Variants in KDM6A observed in about 807,000 individuals in gnomAD.
KDM6A encodes lysine demethylase 6A.
KDM6A carries 11 observed loss-of-function variants against 117.6 expected under a neutral mutation model. The observed-to-expected ratio is 0.09, with a 90% CI of 0.06 to 0.15. The LOEUF (loss-of-function observed/expected upper bound fraction) is 0.15, where lower values mean the gene tolerates loss of function less well. Among genes scored for constraint, KDM6A ranks in the 10% least tolerant of loss-of-function variants. The pLI, the probability that KDM6A is intolerant of heterozygous loss-of-function variation, is 1.00. For synonymous variants in KDM6A, 384 were observed against 396.1 expected, an observed-to-expected ratio of 0.97 and a Z score of 0.36; for missense variants, 799 against 1,077.3, an observed-to-expected ratio of 0.74 and a Z score of 3.62.
chrX:45,059,876 T>TTTATAC, intron 12 of KDM6A, 146 bp from the exon 13 acceptor site: 1 of 866,241 alleles, frequency 1.2e-6, no homozygotes, highest in Non-Finnish European at 1.6e-6. Context: ...GGTTACCCTG[T>TTTATAC]TTATACTTAG....
intron 2 of KDM6A, among the ~76,000 whole-genome samples, chrX:44,927,218 A>G (rs2036358748): frequency 9.0e-6 from 1 of 110,930 alleles, no homozygotes. Context: ...AAAATCCTAT[A>G]AAGTTTACAA....
At chrX:44,997,826 C>T (rs928743952) in intron 4 of KDM6A, among the ~76,000 whole-genome samples, 6 of 111,786 alleles carry the variant, frequency 5.4e-5, no homozygotes, top group Non-Finnish European at 3.8e-5. Flanking sequence ...GGAATTTGCC[C>T]GATTAAGGAG....
At chrX:45,096,448 G>C (rs1439773290) in intron 27 of KDM6A, among the ~76,000 whole-genome samples, 1 of 111,627 alleles carries the variant, frequency 9.0e-6, no homozygotes, top group Non-Finnish European at 1.9e-5. Context: ...TTGAGAAACC[G>C]TCAAACCATT....
At chrX:44,952,696 C>T (rs140484704) in intron 2 of KDM6A, among the ~76,000 whole-genome samples, 4,290 of 111,568 alleles carry the variant, frequency 0.038, 219 homozygotes, top group African/African-American at 0.13. Context: ...ATATGGGTGA[C>T]GATTAACTGG....
intron 2 of KDM6A, among the ~76,000 whole-genome samples, chrX:44,909,840 G>A (rs1428960723): frequency 9.0e-6 from 1 of 111,107 alleles, no homozygotes; most frequent in African/African-American, 3.3e-5. Flanking sequence ...ATGTCAAGTA[G>A]TGTAGTAGTG....
intron 8 of KDM6A, among the ~76,000 whole-genome samples, chrX:45,040,254 G>GC (rs1209155610): frequency 3.0e-5 from 3 of 99,579 alleles, no homozygotes; most frequent in African/African-American, 1.1e-4. Context: ...AGGGCGGCTG[G>GC]CCCGGGGGGT....
chrX:44,874,505 G>T (rs770467316), intron 2 of KDM6A, among the ~76,000 whole-genome samples: 1 of 111,761 alleles, frequency 8.9e-6, no homozygotes, highest in African/African-American at 3.3e-5. Flanking sequence ...TTTGCATTGG[G>T]CTGTTGACAT....
intron 27 of KDM6A, 117 bp downstream of exon 27, chrX:45,090,981 C>A: frequency 1.3e-6 from 1 of 749,044 alleles, no homozygotes; most frequent in Non-Finnish European, 2.0e-6. Flanking sequence ...AAAAGTCTAG[C>A]AGAATGTATT....
chrX:44,919,378 CTCTACTGGTATAGG>C (rs886153439), intron 2 of KDM6A, among the ~76,000 whole-genome samples: 22 of 110,651 alleles, frequency 2.0e-4, no homozygotes, highest in Admixed American at 1.7e-3. Context: ...TTAGATGCTC[CTCTACTGGTATAGG>C]TCTGATGTTC....
intron 17 of KDM6A, among the ~76,000 whole-genome samples, chrX:45,067,263 G>A (rs1209607494): frequency 2.7e-5 from 3 of 111,776 alleles, no homozygotes; most frequent in African/African-American, 9.8e-5. Context: ...AGATATGAAA[G>A]TAAAATTATA....
intron 4 of KDM6A, among the ~76,000 whole-genome samples, chrX:44,994,068 C>T (rs1199852044): frequency 9.0e-6 from 1 of 111,257 alleles, no homozygotes; most frequent in African/African-American, 3.3e-5. Flanking sequence ...ATAGATTTTC[C>T]CACATACCCA....
At chrX:45,010,553 T>G (rs986194465) in intron 4 of KDM6A, among the ~76,000 whole-genome samples, 1 of 111,559 alleles carries the variant, frequency 9.0e-6, no homozygotes, top group African/African-American at 3.3e-5. Flanking sequence ...AGGTTTATAC[T>G]GTGCATTTCC....
chrX:44,893,509 G>GTTTTT (rs752050347), intron 2 of KDM6A, among the ~76,000 whole-genome samples: 1 of 91,861 alleles, frequency 1.1e-5, no homozygotes, highest in Admixed American at 1.2e-4. Flanking sequence ...GTTGTGGGAG[G>GTTTTT]TTTTTTTTTT....
intron 5 of KDM6A, among the ~76,000 whole-genome samples, chrX:45,017,671 T>C (rs777036883): frequency 4.6e-4 from 52 of 112,146 alleles, no homozygotes; most frequent in African/African-American, 1.7e-3. Context: ...AGAAGTCCCA[T>C]CAATTAACTG....
At chrX:45,058,139 T>C (rs748667137) in intron 10 of KDM6A, among the ~76,000 whole-genome samples, 1 of 95,906 alleles carries the variant, frequency 1.0e-5, no homozygotes, top group Non-Finnish European at 2.1e-5. Flanking sequence ...TCTCTTCTTA[T>C]CCTAAATTCT....
At chrX:45,003,157 T>G (rs1336825192) in intron 4 of KDM6A, among the ~76,000 whole-genome samples, 5 of 110,263 alleles carry the variant, frequency 4.5e-5, no homozygotes, top group Non-Finnish European at 1.9e-5. Context: ...AGCAGACTAA[T>G]TATTAGGCAA....
intron 4 of KDM6A, among the ~76,000 whole-genome samples, chrX:45,009,491 AT>A (rs1208988664): frequency 9.0e-6 from 1 of 111,320 alleles, no homozygotes; most frequent in African/African-American, 3.3e-5. Flanking sequence ...TGTGACCTGT[AT>A]CTTGTGCCAA....
At chrX:45,034,312 G>A (rs1411816925) in intron 6 of KDM6A, among the ~76,000 whole-genome samples, 1 of 111,806 alleles carries the variant, frequency 8.9e-6, no homozygotes, top group African/African-American at 3.2e-5. Context: ...CTGTATTAGT[G>A]GTTTATTGTT....
In KDM6A at chrX:45,083,595, G is replaced by A. The variant is rs1480648032; in HGVS notation, c.3576G>A (p.Gly1192=). ...TTCAACTATACATGAAAGTTCCAGG[G>A]AGCAGAACACCAGGTAATTTGTATG... ...NTVQLYMKVP[G]SRTPGHQENN... Residue 1192 remains glycine (G), a synonymous_variant, in exon 24 of 30, where the codon GGG becomes GGA. Transcript: ENST00000611820. The A allele has an allele frequency of 5.8e-6, 7 of 1,205,531 alleles. No homozygotes were observed. The highest frequency in any genetic ancestry group is 7.9e-6 in the Non-Finnish European group (7 of 891,236).
Sources: allele counts gnomAD v4.1 joint callset (sites outside exome capture counted in the v4.1 genomes callset), GRCh38; gene constraint gnomAD v4.1.1; transcripts MANE v1.5; gene names NCBI Gene and HGNC (gene_info 2026-07-23, HGNC 2026-07-21).